The following TRIP12 variants were observed in gnomAD, a reference collection of about 807,000 sequenced individuals.
TRIP12 encodes the protein E3 ubiquitin-protein ligase TRIP12.
A neutral mutation model predicts 244.2 loss-of-function variants in TRIP12; 25 were observed. The ratio of observed to expected loss-of-function variants is 0.10; its 90% CI spans 0.07 to 0.14. The LOEUF (loss-of-function observed/expected upper bound fraction) is 0.14. Among genes scored for constraint, TRIP12 ranks in the 10% least tolerant of loss-of-function variants. The pLI is 1.00. For missense variants in TRIP12, 1,677 were observed against 2,486.4 expected (o/e 0.67, Z 6.92); for synonymous variants, 905 against 873.1 (o/e 1.04, Z -0.64).
At position 229,767,761 on chromosome 2, in the gene TRIP12, G is replaced by C. The variant is rs1236830301; in HGVS notation, c.6008-11C>G. 6 of 1,595,250 alleles carry C rather than the reference G, an allele frequency of 3.8e-6. No homozygotes were observed. The highest frequency in any genetic ancestry group is 2.2e-5 in the East Asian group (1 of 44,726). ...TCAAACTCCGGAATCCTGATTAAGAGAAAAAGAAAGACAAGGAACTTAAGT... is the reference window on the plus strand; with the variant it reads ...TCAAACTCCGGAATCCTGATTAAGACAAAAAGAAAGACAAGGAACTTAAGT... On this transcript the variant is annotated splice_polypyrimidine_tract_variant and intron_variant, in intron 41 of 41. Transcript: ENST00000675903.
intron 2 of TRIP12, among the ~76,000 whole-genome samples, chr2:229,872,241 C>A (rs2062775010): frequency 6.6e-6 from 1 of 151,452 alleles, no homozygotes; most frequent in Non-Finnish European, 1.5e-5. Context: ...CGAGTCTGGG[C>A]AACATAGCGA....
At chr2:229,834,952 T>C (rs1011154509) in intron 6 of TRIP12, among the ~76,000 whole-genome samples, 2 of 152,172 alleles carry the variant, frequency 1.3e-5, no homozygotes, top group Non-Finnish European at 2.9e-5. Context: ...ACTATACAAG[T>C]ACTATCCGAA....
At chr2:229,774,971 A>G (rs2035762903) in intron 37 of TRIP12, among the ~76,000 whole-genome samples, 1 of 152,234 alleles carries the variant, frequency 6.6e-6, no homozygotes, top group African/African-American at 2.4e-5. Flanking sequence ...TTTAAACTTA[A>G]GGATCAAAAA....
rs890026057 is a variant in TRIP12 at position 229,796,881 on chromosome 2, G to A, written c.3625-99C>T. On this transcript the variant is annotated intron_variant, in intron 24 of 41. Transcript: ENST00000675903. ...AAAAGGAAATGAATATATTCTCAACGCCCTTAAAAAAGAGGGCAGGGGAGT... is the reference window on the plus strand; with the variant it reads ...AAAAGGAAATGAATATATTCTCAACACCCTTAAAAAAGAGGGCAGGGGAGT... The A allele has an allele frequency of 1.0e-5, 12 of 1,158,902 alleles. No homozygotes were observed. The East Asian group carries it at 1.1e-4, about 10-fold the overall frequency. The allele number at this position is 1,158,902 out of a possible 1,614,324, so 71.8% of individuals were successfully genotyped here.
intron 26 of TRIP12, among the ~76,000 whole-genome samples, chr2:229,794,118 T>C (rs1337450729): frequency 1.3e-5 from 2 of 152,144 alleles, no homozygotes; most frequent in Non-Finnish European, 2.9e-5. Context: ...CTCCAGGAAA[T>C]CATAACGATC....
intron 8 of TRIP12, among the ~76,000 whole-genome samples, chr2:229,821,431 G>A (rs560936408): frequency 6.6e-6 from 1 of 152,294 alleles, no homozygotes; most frequent in East Asian, 1.9e-4. Context: ...TCTCTTTCAA[G>A]GGAGAGATAG....
intron 38 of TRIP12, 142 bp downstream of exon 38, chr2:229,773,955 C>T: frequency 1.4e-6 from 1 of 740,400 alleles, no homozygotes; most frequent in Non-Finnish European, 2.2e-6. Flanking sequence ...GAAGCTAGTG[C>T]CTTGTAAAGC....
intron 4 of TRIP12, among the ~76,000 whole-genome samples, chr2:229,843,007 A>T (rs1300735678): frequency 1.3e-5 from 2 of 151,876 alleles, no homozygotes; most frequent in East Asian, 3.9e-4. Context: ...CTCTAAAAAG[A>T]TCCTTCCTGA....
chr2:229,884,333 C>G (rs907874962), intron 1 of TRIP12, among the ~76,000 whole-genome samples: 2 of 146,578 alleles, frequency 1.4e-5, no homozygotes, highest in Non-Finnish European at 3.0e-5. Flanking sequence ...ACCTCCTGGG[C>G]TCAAGCGATT....
chr2:229,866,859 A>G (rs548163100), intron 2 of TRIP12, among the ~76,000 whole-genome samples: 1 of 152,192 alleles, frequency 6.6e-6, no homozygotes, highest in Non-Finnish European at 1.5e-5. Flanking sequence ...TGAAAAGCTG[A>G]GGAAAAAAAG....
intron 1 of TRIP12, among the ~76,000 whole-genome samples, chr2:229,883,070 T>C (rs1001047726): frequency 1.3e-5 from 2 of 152,200 alleles, no homozygotes; most frequent in African/African-American, 4.8e-5. Flanking sequence ...ACAGGATCTC[T>C]CCCTCTGCCA....
At chr2:229,915,433 A>G (rs2075192549) in intron 1 of TRIP12, among the ~76,000 whole-genome samples, 1 of 152,190 alleles carries the variant, frequency 6.6e-6, no homozygotes, top group African/African-American at 2.4e-5. Context: ...AGCATTAACG[A>G]TGCAAAATAA....
Position 229,835,399 on chromosome 2 carries a change from A to G in TRIP12, c.1270+1449T>C, listed in dbSNP as rs574292445. On this transcript the variant is annotated intron_variant, in intron 6 of 41. Transcript: ENST00000675903. The stretch of plus-strand genomic sequence containing the variant: ...AAATAAATAGGGGAACAAAATTTTG[A>G]ACCCCGTTCCCATTCCAGCCTTCAA... 1.7e-4 allele frequency among the ~76,000 whole-genome samples: 26 copies of G among 152,324 alleles called. No homozygotes were observed. The East Asian group carries it at 5.0e-3, about 29-fold the overall frequency.
chr2:229,767,849 G>A lies in TRIP12; in HGVS notation c.6008-99C>T, dbSNP rs951557605. The A allele has an allele frequency of 1.3e-5, 15 of 1,196,984 alleles. No homozygotes were observed. The African/African-American group carries it at 1.9e-4, about 15-fold the overall frequency. 74.1% of individuals were successfully genotyped at this position (1,196,984 alleles called of 1,614,324 possible). A position where few individuals can be genotyped will look rare whatever the true frequency, so the allele number is the denominator to read the frequency against. ...CTTTGCCGTACAATATTACACACAA[G>A]ATATTCTTTCTTGCTTGGCAATTGC... is the stretch of plus-strand genomic sequence containing the variant. On this transcript the variant is annotated intron_variant, in intron 41 of 41. Transcript: ENST00000675903.
At chr2:229,896,617 TAATAA>T (rs1360080917) in intron 1 of TRIP12, among the ~76,000 whole-genome samples, 1 of 151,940 alleles carries the variant, frequency 6.6e-6, no homozygotes, top group Non-Finnish European at 1.5e-5. Flanking sequence ...GTCTCAAAAA[TAATAA>T]AATAATAATA....
intron 32 of TRIP12, among the ~76,000 whole-genome samples, chr2:229,788,036 C>T (rs926453912): frequency 5.3e-5 from 8 of 152,150 alleles, no homozygotes; most frequent in Non-Finnish European, 1.2e-4. Flanking sequence ...CTCCTGACCT[C>T]AGGTGATCCA....
chr2:229,777,970 A>G (rs1213483186), intron 36 of TRIP12, among the ~76,000 whole-genome samples: 1 of 152,208 alleles, frequency 6.6e-6, no homozygotes, highest in African/African-American at 2.4e-5. Context: ...AGAAAAAGAA[A>G]TGAAGAAATG....
chr2:229,870,157 T>C (rs936496027), intron 2 of TRIP12, among the ~76,000 whole-genome samples: 1 of 152,232 alleles, frequency 6.6e-6, no homozygotes, highest in African/African-American at 2.4e-5. Context: ...TGGGAAGCCA[T>C]TCCACAAGAC....
intron 1 of TRIP12, among the ~76,000 whole-genome samples, chr2:229,917,292 A>G (rs1187401845): frequency 6.7e-6 from 1 of 148,302 alleles, no homozygotes; most frequent in African/African-American, 2.5e-5. Flanking sequence ...GAGGCAAGAG[A>G]ATGGCATGAA....
Sources: gnomAD v4.1 joint callset for allele counts (sites outside exome capture counted in the v4.1 genomes callset) on GRCh38, gnomAD v4.1.1 for gene constraint, MANE v1.5 for transcripts, NCBI Gene and HGNC (gene_info 2026-07-23, HGNC 2026-07-21) for gene names.